Variants in NALF1 observed in about 807,000 individuals in gnomAD.
NALF1 encodes the protein NALCN channel auxiliary factor 1.
In NALF1, 3 loss-of-function variants were observed where a neutral mutation model predicts 48.4. The observed-to-expected ratio is 0.06, with a 90% confidence interval of 0.03 to 0.16. The LOEUF is 0.16. Among genes scored for constraint, NALF1 ranks in the 10% least tolerant of loss-of-function variants. The pLI is 1.00. For missense variants in NALF1, 526 were observed against 571.5 expected, an observed-to-expected ratio of 0.92 and a Z score of 0.81; for synonymous variants, 262 against 245.7, an observed-to-expected ratio of 1.07 and a Z score of -0.62.
At chr13:107,211,328 ACT>A (rs1399452404) in intron 1 of NALF1, among the ~76,000 whole-genome samples, 3 of 152,152 alleles carry the variant, frequency 2.0e-5, no homozygotes, top group Admixed American at 6.5e-5. Context: ...TAAAAATCTC[ACT>A]GTCTGAAAGC....
At chr13:107,382,118 T>C (rs1883451173) in intron 1 of NALF1, among the ~76,000 whole-genome samples, 1 of 152,328 alleles carries the variant, frequency 6.6e-6, no homozygotes, top group Non-Finnish European at 1.5e-5. Context: ...CCTCATTTCA[T>C]TTCCTGTGTT....
chr13:107,653,049 A>C (rs187576614), intron 1 of NALF1, among the ~76,000 whole-genome samples: 1 of 152,268 alleles, frequency 6.6e-6, no homozygotes, highest in Admixed American at 6.5e-5. Flanking sequence ...TTCATAAACA[A>C]TGGCAGAAAA....
chr13:107,431,215 T>G (rs896284828), intron 1 of NALF1, among the ~76,000 whole-genome samples: 1 of 152,220 alleles, frequency 6.6e-6, no homozygotes, highest in Non-Finnish European at 1.5e-5. Flanking sequence ...CATAATTTGG[T>G]GCTCTTCATG....
At chr13:107,268,240 G>A (rs1013652544) in intron 1 of NALF1, among the ~76,000 whole-genome samples, 25 of 152,030 alleles carry the variant, frequency 1.6e-4, no homozygotes, top group African/African-American at 4.6e-4. Context: ...TGGCCGCCTC[G>A]GCCTCCCAAA....
At chr13:107,250,412 A>AC (rs1253458217) in intron 1 of NALF1, among the ~76,000 whole-genome samples, 7 of 151,220 alleles carry the variant, frequency 4.6e-5, no homozygotes, top group African/African-American at 1.7e-4. Context: ...TGAATTATTA[A>AC]TTTTTTTTTT....
chr13:107,678,261 G>A (rs1032931472), intron 1 of NALF1, among the ~76,000 whole-genome samples: 13 of 152,282 alleles, frequency 8.5e-5, no homozygotes, highest in African/African-American at 2.4e-4. Flanking sequence ...GATGAACTGT[G>A]TGCTCAGCGT....
chr13:107,242,350 TCTC>T (rs1880488395), intron 1 of NALF1, among the ~76,000 whole-genome samples: 1 of 152,228 alleles, frequency 6.6e-6, no homozygotes, highest in South Asian at 2.1e-4. Context: ...GCCCTTCCCT[TCTC>T]CTCCTCAATG....
rs144576110 is a variant in NALF1 at position 107,767,192 on chromosome 13, C to A, written c.915+98490G>T. Among the ~76,000 whole-genome samples, 1,488 of 152,236 alleles carry A rather than the reference C, an allele frequency of 9.8e-3. 29 individuals are homozygous for A. Among genetic ancestry groups the A allele is most frequent in the African/African-American group, 0.031 (1,299 of 41,540 alleles). On this transcript the variant is annotated intron_variant, in intron 1 of 2. Coordinates refer to ENST00000375915, the MANE Select transcript of NALF1 (RefSeq NM_001080396.3). Reference sequence around the variant, plus strand: ...TGGGGAGAAACCGGTAAATCATTAACAACATTGAAATCTACAACATGTGAC... The same window carrying A: ...TGGGGAGAAACCGGTAAATCATTAAAAACATTGAAATCTACAACATGTGAC...
chr13:107,283,270 C>A (rs2138874737), intron 1 of NALF1, among the ~76,000 whole-genome samples: 1 of 152,262 alleles, frequency 6.6e-6, no homozygotes, highest in South Asian at 2.1e-4. Context: ...AACAAGATCA[C>A]CTTACATGTG....
At chr13:107,219,805 G>A (rs1462101474) in intron 1 of NALF1, among the ~76,000 whole-genome samples, 1 of 151,860 alleles carries the variant, frequency 6.6e-6, no homozygotes, top group Non-Finnish European at 1.5e-5. Flanking sequence ...TAGTAGAAAT[G>A]GGCAAAAAAA....
rs565008302 is a variant in NALF1 at position 107,277,043 on chromosome 13, C to T, written c.916-66288G>A. The stretch of plus-strand genomic sequence containing the variant: ...TGTAAGATACAGAACATTGTATTCA[C>T]ATTCTAGTTTTTCCCTGGGTTCCAG... On this transcript the variant is annotated intron_variant, in intron 1 of 2. Coordinates refer to ENST00000375915, the MANE Select transcript of NALF1 (RefSeq NM_001080396.3). Among the ~76,000 whole-genome samples, 7 of 152,250 alleles carry T rather than the reference C, an allele frequency of 4.6e-5. No homozygotes were observed. The East Asian group carries it at 1.4e-3, about 29-fold the overall frequency.
At chr13:107,472,912 C>A (rs964590359) in intron 1 of NALF1, among the ~76,000 whole-genome samples, 2 of 152,162 alleles carry the variant, frequency 1.3e-5, no homozygotes, top group African/African-American at 4.8e-5. Flanking sequence ...TCTAGAGAAC[C>A]CTGACTAATA....
intron 2 of NALF1, among the ~76,000 whole-genome samples, chr13:107,176,319 T>TTG (rs1878927913): frequency 3.5e-5 from 4 of 113,340 alleles, no homozygotes; most frequent in African/African-American, 9.7e-5. Context: ...CCTCACAGTT[T>TTG]TTTTTTTTTT....
intron 1 of NALF1, among the ~76,000 whole-genome samples, chr13:107,488,470 C>T (rs1594090063): frequency 6.6e-6 from 1 of 151,918 alleles, no homozygotes; most frequent in Non-Finnish European, 1.5e-5. Flanking sequence ...TGGATGTATA[C>T]ACAAATCAAT....
At chr13:107,304,469 A>AC (rs1279069381) in intron 1 of NALF1, among the ~76,000 whole-genome samples, 6 of 152,214 alleles carry the variant, frequency 3.9e-5, no homozygotes, top group African/African-American at 9.6e-5. Flanking sequence ...CTCAACTGAT[A>AC]ATGACAGCAA....
In NALF1 at chr13:107,166,712, A is replaced by G. The variant is rs548362465; in HGVS notation, c.*3785T>C. On this transcript the variant is annotated 3_prime_UTR_variant, in exon 3 of 3. Transcript: ENST00000375915. ...TTCCCCCGGAAAAAAGTATGTACTTATTCATTCATATGAAACCTCCTTTCC... is the reference window on the plus strand; with the variant it reads ...TTCCCCCGGAAAAAAGTATGTACTTGTTCATTCATATGAAACCTCCTTTCC... 7 of 152,100 alleles carry G rather than the reference A, an allele frequency of 4.6e-5. No individual in the cohort carries two copies. Among genetic ancestry groups the G allele is most frequent in the African/African-American group, 1.7e-4 (7 of 41,504 alleles). 9.4% of individuals were successfully genotyped at this position (152,100 alleles called of 1,614,324 possible).
At chr13:107,279,373 A>C (rs1304162825) in intron 1 of NALF1, among the ~76,000 whole-genome samples, 2 of 152,096 alleles carry the variant, frequency 1.3e-5, no homozygotes, top group African/African-American at 4.8e-5. Flanking sequence ...CTTCTGTCTC[A>C]GCCTCCCGAG....
intron 1 of NALF1, among the ~76,000 whole-genome samples, chr13:107,429,830 T>A (rs1306182485): frequency 1.3e-5 from 2 of 152,102 alleles, no homozygotes; most frequent in Non-Finnish European, 2.9e-5. Flanking sequence ...ACATGTACAA[T>A]CTCTATAAAT....
intron 2 of NALF1, among the ~76,000 whole-genome samples, chr13:107,201,342 C>A (rs914564249): frequency 2.0e-5 from 3 of 152,106 alleles, no homozygotes; most frequent in Non-Finnish European, 2.9e-5. Context: ...CTGGGGAGGC[C>A]CAGGTGGGCA....
Sources: gnomAD v4.1 joint callset for allele counts (sites outside exome capture counted in the v4.1 genomes callset) on GRCh38, gnomAD v4.1.1 for gene constraint, MANE v1.5 for transcripts, NCBI Gene and HGNC (gene_info 2026-07-23, HGNC 2026-07-21) for gene names.